Variants in ZNF283 observed in about 807,000 individuals in gnomAD.
ZNF283 encodes zinc finger protein 283.
In ZNF283, 10 loss-of-function variants were observed where a neutral mutation model predicts 9.2. The ratio of observed to expected loss-of-function variants is 1.09; its 90% CI spans 0.67 to 1.85. The LOEUF is 1.85. ZNF283 is among the 40% of genes most tolerant of loss of function. The pLI, the probability that ZNF283 is intolerant of heterozygous loss-of-function variation, is 0.00. For synonymous variants in ZNF283, 234 were observed against 244.1 expected (o/e 0.96, Z 0.38); for missense variants, 631 against 760.1 (o/e 0.83, Z 2.00).
intron 6 of ZNF283, among the ~76,000 whole-genome samples, chr19:43,842,270 C>T (rs1300356847): frequency 6.6e-6 from 1 of 151,940 alleles, no homozygotes; most frequent in African/African-American, 2.4e-5. Context: ...TTAAGCCTAT[C>T]CAATAAAGAT....
intron 4 of ZNF283, 30 bp from the exon 5 acceptor site, chr19:43,835,475 C>T (rs1253563501): frequency 6.7e-7 from 1 of 1,499,230 alleles, no homozygotes; most frequent in Non-Finnish European, 9.2e-7. Flanking sequence ...TGAGGCACAC[C>T]TGGTTTAACG....
intron 6 of ZNF283, among the ~76,000 whole-genome samples, chr19:43,842,301 TA>T (rs897020397): frequency 1.3e-5 from 2 of 152,226 alleles, no homozygotes; most frequent in African/African-American, 4.8e-5. Context: ...CTACATTTTA[TA>T]GTTATAGAAT....
At position 43,848,524 on chromosome 19, in the gene ZNF283, A is replaced by C; in HGVS notation, c.1923A>C (p.Lys641Asn). The change falls in exon 7 of 7, where the codon AAA (lysine) becomes AAC (asparagine). Residue 641 changes from lysine (K) to asparagine (N), a missense_variant. Transcript: ENST00000618787. ...GGAAGACCTTTACTTGTGGCTCAAA[A>C]CTTGTTCATGAGAGAACTCATAGTA... ...EFGKTFTCGS[K>N]LVHERTHSND... The C allele has an allele frequency of 6.2e-7, 1 of 1,613,000 alleles. No individual in the cohort carries two copies.
chr19:43,846,459 A>C (rs940486360), intron 6 of ZNF283, among the ~76,000 whole-genome samples: 2 of 152,192 alleles, frequency 1.3e-5, no homozygotes, highest in African/African-American at 4.8e-5. Flanking sequence ...GTTGTATTGG[A>C]ACATAGTCTT....
intron 2 of ZNF283, among the ~76,000 whole-genome samples, chr19:43,829,916 G>A (rs549986782): frequency 2.6e-5 from 4 of 152,044 alleles, no homozygotes; most frequent in African/African-American, 9.6e-5. Flanking sequence ...CCAGCTACTC[G>A]GGAGGCTGAG....
intron 2 of ZNF283, among the ~76,000 whole-genome samples, chr19:43,829,317 G>A (rs1970602286): frequency 1.3e-5 from 2 of 152,154 alleles, no homozygotes; most frequent in African/African-American, 2.4e-5. Flanking sequence ...CCCGGGCGGT[G>A]GAGGTTGCAG....
chr19:43,847,540 T>C lies in ZNF283; in HGVS notation c.939T>C (p.His313=), dbSNP rs746998210. The part of the protein sequence containing the change: ...GYHLTQHQKI[H]TGVKSYKCKE... Reference sequence around the variant, plus strand: ...ACCTTACCCAACATCAGAAAATTCATACTGGTGTGAAATCTTATAAATGTA... The same window carrying C: ...ACCTTACCCAACATCAGAAAATTCACACTGGTGTGAAATCTTATAAATGTA... The change falls in exon 7 of 7, where the codon CAT becomes CAC. Residue 313 remains histidine (H), a synonymous_variant. Transcript: ENST00000618787. 19 of 1,602,700 alleles carry C rather than the reference T, an allele frequency of 1.2e-5. No homozygotes were observed. The South Asian group carries it at 2.1e-4, about 18-fold the overall frequency.
At chr19:43,839,369 T>C (rs1046754750) in intron 6 of ZNF283, among the ~76,000 whole-genome samples, 3 of 152,198 alleles carry the variant, frequency 2.0e-5, no homozygotes, top group Non-Finnish European at 2.9e-5. Context: ...TCCTGTGTTC[T>C]GAAGTCTTTT....
At chr19:43,838,629 A>G (rs540641738) in intron 6 of ZNF283, among the ~76,000 whole-genome samples, 4 of 152,344 alleles carry the variant, frequency 2.6e-5, no homozygotes, top group African/African-American at 9.6e-5. Flanking sequence ...CCCTACCTCA[A>G]TAAATAAATA....
At chr19:43,845,596 T>G (rs965003019) in intron 6 of ZNF283, among the ~76,000 whole-genome samples, 1 of 152,202 alleles carries the variant, frequency 6.6e-6, no homozygotes, top group Non-Finnish European at 1.5e-5. Context: ...GCTAAAAGCA[T>G]GAAAATTATT....
rs1464382167 is a variant in ZNF283, at chr19:43,851,934, T to C, written c.*3293T>C. 1 of 152,254 alleles carries C rather than the reference T, an allele frequency of 6.6e-6. No individual in the cohort carries two copies. Among genetic ancestry groups the C allele is most frequent in the Admixed American group, 6.5e-5 (1 of 15,290 alleles). The allele number at this position is 152,254 out of a possible 1,614,324, so 9.4% of individuals were successfully genotyped here. On this transcript the variant is annotated 3_prime_UTR_variant, in exon 7 of 7. Transcript: ENST00000618787. ...TGTTAGCTATGATGGAATGGCAGCATCATGGTCTCAGTTATGAGTGAAAAT... is the reference window on the plus strand; with the variant it reads ...TGTTAGCTATGATGGAATGGCAGCACCATGGTCTCAGTTATGAGTGAAAAT...
intron 3 of ZNF283, among the ~76,000 whole-genome samples, chr19:43,831,777 G>A (rs1278237862): frequency 6.6e-6 from 1 of 152,130 alleles, no homozygotes; most frequent in Non-Finnish European, 1.5e-5. Flanking sequence ...ACAGGTGTGT[G>A]CCACCATGCC....
intron 5 of ZNF283, 56 bp downstream of exon 5, chr19:43,835,648 T>C: frequency 7.6e-7 from 1 of 1,323,068 alleles, no homozygotes; most frequent in Non-Finnish European, 1.1e-6. Flanking sequence ...CGTGTGAATC[T>C]TTTCATTAAT....
chr19:43,844,948 C>T (rs1014023825), intron 6 of ZNF283, among the ~76,000 whole-genome samples: 7 of 152,138 alleles, frequency 4.6e-5, no homozygotes, highest in Admixed American at 4.6e-4. Context: ...AGTCAAAACA[C>T]ATTATGGACA....
Position 43,848,146 on chromosome 19 carries a change from TG to T in ZNF283, c.1546del (p.Glu516AsnfsTer71). 6.2e-7 allele frequency: 1 copy of T among 1,613,970 alleles called. No homozygotes were observed. Among genetic ancestry groups the T allele is most frequent in the Non-Finnish European group, 8.5e-7 (1 of 1,179,934 alleles). On this transcript the variant is annotated frameshift_variant, in exon 7 of 7. Coordinates refer to ENST00000618787, the MANE Select transcript of ZNF283 (RefSeq NM_181845.2). LOFTEE classifies it low-confidence loss of function (END_TRUNC). ...TATTTCACACTGGTGAGAAACCCTA[TG>T]AATGTAAGGAATGTGGGAAGGCTTT... is the stretch of plus-strand genomic sequence containing the variant. ...QVFHTGEKPYECKECGKAFNC... is the reference protein window; with the variant it reads ...QVFHTGEKPYXCKECGKAFNC...
At chr19:43,831,264 T>A in intron 2 of ZNF283, 54 bp from the exon 3 acceptor site, 1 of 1,313,546 alleles carries the variant, frequency 7.6e-7, no homozygotes, top group Non-Finnish European at 1.1e-6. Context: ...TATGCACATT[T>A]ATTTTCTTCC....
rs1257613057 is a variant in ZNF283 at position 43,833,524 on chromosome 19, C to T, written c.20C>T (p.Ala7Val). Residue 7 changes from alanine (A) to valine (V), a missense_variant, in exon 4 of 7, where the codon GCC (alanine) becomes GTC (valine). By Grantham distance (64) the Ala-to-Val change is moderately conservative. This residue lies in a region of ZNF283 where 184 missense variants were observed against 220.0 expected (regional missense o/e 0.84). Transcript: ENST00000618787. Reference sequence around the variant, plus strand: ...TTTCAGATGGAGTCTCGCTCTGTCGCCCAGGCTGGAGTGCAGTGGTGCGAT... The same window carrying T: ...TTTCAGATGGAGTCTCGCTCTGTCGTCCAGGCTGGAGTGCAGTGGTGCGAT... MESRSVAQAGVQWCDLG... is the reference protein window; with the variant it reads MESRSVVQAGVQWCDLG... 5.4e-6 allele frequency: 1 copy of T among 184,972 alleles called. No homozygotes were observed. Among genetic ancestry groups the T allele is most frequent in the Non-Finnish European group, 1.0e-5 (1 of 98,396 alleles). The allele number at this position is 184,972 out of a possible 1,614,324, so 11.5% of individuals were successfully genotyped here. A position where few individuals can be genotyped will look rare whatever the true frequency, so the allele number is the denominator to read the frequency against.
intron 5 of ZNF283, among the ~76,000 whole-genome samples, chr19:43,836,804 T>G (rs1375430953): frequency 6.6e-6 from 1 of 152,214 alleles, no homozygotes; most frequent in Non-Finnish European, 1.5e-5. Flanking sequence ...ACCAGACAGA[T>G]CTGGATAGCT....
intron 4 of ZNF283, among the ~76,000 whole-genome samples, 194 bp from the exon 5 acceptor site, chr19:43,835,311 T>G (rs1215071784): frequency 6.6e-6 from 1 of 152,146 alleles, no homozygotes; most frequent in Non-Finnish European, 1.5e-5. Context: ...CAGATTCACA[T>G]CCTCAGAACC....
Sources: allele counts gnomAD v4.1 joint callset (sites outside exome capture counted in the v4.1 genomes callset), GRCh38; gene constraint gnomAD v4.1.1; regional missense constraint gnomAD v4.1.1; transcripts MANE v1.5; gene names NCBI Gene and HGNC (gene_info 2026-07-23, HGNC 2026-07-21).